Variants in TMTC1 observed in about 807,000 individuals in gnomAD.
The protein encoded by TMTC1 is protein O-mannosyl-transferase TMTC1.
In TMTC1, 73 loss-of-function variants were observed where a neutral mutation model predicts 104.8. That is an observed-to-expected ratio of 0.70 (90% confidence interval 0.58 to 0.85). The LOEUF (loss-of-function observed/expected upper bound fraction) is 0.85, where lower values mean the gene tolerates loss of function less well. Among genes scored for constraint, TMTC1 ranks in the 40% least tolerant of loss-of-function variants. The pLI is 0.00. For missense variants in TMTC1, 1,035 were observed against 1,096.1 expected (o/e 0.94, Z 0.79); for synonymous variants, 434 against 428.7 (o/e 1.01, Z -0.15).
In TMTC1 at chr12:29,524,469, C is replaced by A. The variant is rs114222384; in HGVS notation, c.1786-3749G>T. ...AATCTAGAGTAATTTTATTATCCAG[C>A]ACAACCTTAGCAAGAGAATTTAAAG... On this transcript the variant is annotated intron_variant, in intron 11 of 17. Coordinates refer to ENST00000539277, the MANE Select transcript of TMTC1 (RefSeq NM_001193451.2). Among the ~76,000 whole-genome samples the A allele has an allele frequency of 8.8e-3, 1,345 of 152,268 alleles. 26 individuals carry two copies. Among genetic ancestry groups the A allele is most frequent in the African/African-American group, 0.031 (1,277 of 41,556 alleles).
At chr12:29,605,139 A>ATT (rs1473089906) in intron 6 of TMTC1, among the ~76,000 whole-genome samples, 3 of 152,054 alleles carry the variant, frequency 2.0e-5, no homozygotes, top group Non-Finnish European at 4.4e-5. Context: ...GAGAATATGT[A>ATT]TTTTTTAAGT....
chr12:29,673,460 A>C (rs1182010659), intron 5 of TMTC1, among the ~76,000 whole-genome samples: 1 of 152,152 alleles, frequency 6.6e-6, no homozygotes, highest in Non-Finnish European at 1.5e-5. Context: ...CATGCTTCTT[A>C]TGTTCATATA....
intron 5 of TMTC1, among the ~76,000 whole-genome samples, chr12:29,718,906 C>T (rs1942155831): frequency 7.6e-6 from 1 of 131,332 alleles, no homozygotes; most frequent in African/African-American, 2.9e-5. Context: ...GCACTCCAGC[C>T]TGGGTGACAG....
At chr12:29,647,739 T>G (rs12817233) in intron 5 of TMTC1, among the ~76,000 whole-genome samples, 18,089 of 152,270 alleles carry the variant, frequency 0.12, 1,078 homozygotes, top group African/African-American at 0.14. Flanking sequence ...GCAAATCTAT[T>G]CTAGTTGTTT....
intron 6 of TMTC1, among the ~76,000 whole-genome samples, chr12:29,622,626 C>T (rs1157741149): frequency 6.6e-6 from 1 of 152,204 alleles, no homozygotes; most frequent in African/African-American, 2.4e-5. Flanking sequence ...ACTGTACATG[C>T]ATTCCCACAG....
In TMTC1 at chr12:29,504,156, G is replaced by T. The variant is rs1943651100; in HGVS notation, c.*2690C>A. The T allele has an allele frequency of 6.6e-6, 1 of 151,670 alleles. No individual in the cohort carries two copies. The highest frequency in any genetic ancestry group is 2.4e-5 in the African/African-American group (1 of 41,248). The allele number at this position is 151,670 out of a possible 1,614,324, so 9.4% of individuals were successfully genotyped here. A position where few individuals can be genotyped will look rare whatever the true frequency, so the allele number is the denominator to read the frequency against. The stretch of plus-strand genomic sequence containing the variant: ...GAGCTCGGGGTGCTTCTGTATGCAA[G>T]GCCCTGTGGGACTGCAAAAATTGCA... On this transcript the variant is annotated 3_prime_UTR_variant, in exon 18 of 18. Transcript: ENST00000539277.
intron 8 of TMTC1, among the ~76,000 whole-genome samples, chr12:29,572,627 A>G (rs967227009): frequency 3.3e-5 from 5 of 152,156 alleles, no homozygotes; most frequent in African/African-American, 1.2e-4. Flanking sequence ...GACACACACA[A>G]CCTTGCAATT....
At chr12:29,672,567 G>T (rs1940558489) in intron 5 of TMTC1, among the ~76,000 whole-genome samples, 1 of 148,994 alleles carries the variant, frequency 6.7e-6, no homozygotes, top group Non-Finnish European at 1.5e-5. Flanking sequence ...GCAGAGAGAG[G>T]AGAAAGTCCC....
chr12:29,717,269 G>A (rs899833662), intron 5 of TMTC1, among the ~76,000 whole-genome samples: 3 of 152,138 alleles, frequency 2.0e-5, no homozygotes, highest in African/African-American at 4.8e-5. Flanking sequence ...GTGAGAAGGC[G>A]TTCACGGGAT....
intron 5 of TMTC1, among the ~76,000 whole-genome samples, chr12:29,684,337 C>T (rs1258990230): frequency 2.0e-5 from 3 of 152,150 alleles, no homozygotes; most frequent in Admixed American, 6.5e-5. Flanking sequence ...CTCCTAACAG[C>T]TTGAGCAAAA....
intron 11 of TMTC1, among the ~76,000 whole-genome samples, chr12:29,527,609 C>G (rs1027811322): frequency 6.6e-6 from 1 of 152,180 alleles, no homozygotes; most frequent in South Asian, 2.1e-4. Context: ...TCTTTATAAC[C>G]AAGCTAGTTA....
chr12:29,780,539 A>G (rs1026609506), intron 1 of TMTC1, among the ~76,000 whole-genome samples: 1 of 152,222 alleles, frequency 6.6e-6, no homozygotes, highest in East Asian at 1.9e-4. Flanking sequence ...CATGATTGCA[A>G]TAAAGAAGTA....
intron 4 of TMTC1, among the ~76,000 whole-genome samples, chr12:29,754,200 C>T (rs954469691): frequency 1.4e-5 from 2 of 148,142 alleles, no homozygotes; most frequent in Non-Finnish European, 3.0e-5. Context: ...AAAAAAGACC[C>T]AGACTGAGCT....
At chr12:29,597,229 CTTTCT>C (rs371584508) in intron 7 of TMTC1, among the ~76,000 whole-genome samples, 5 of 134,958 alleles carry the variant, frequency 3.7e-5, no homozygotes, top group African/African-American at 1.3e-4. Context: ...CTTTTTCTTT[CTTTCT>C]TTTCTTTCTT....
upstream of TMTC1, chr12:29,784,642 G>T (rs963176109): frequency 6.6e-6 from 1 of 152,264 alleles, no homozygotes; most frequent in Non-Finnish European, 1.5e-5. Context: ...CTTACAAAAA[G>T]TACCAGGTTC....
At chr12:29,690,828 T>G (rs1941244565) in intron 5 of TMTC1, among the ~76,000 whole-genome samples, 1 of 152,234 alleles carries the variant, frequency 6.6e-6, no homozygotes, top group African/African-American at 2.4e-5. Flanking sequence ...AGAAGAAAAC[T>G]CTAAGGTTTG....
chr12:29,540,084 A>T (rs1180068698), intron 10 of TMTC1, among the ~76,000 whole-genome samples: 1 of 152,136 alleles, frequency 6.6e-6, no homozygotes, highest in Non-Finnish European at 1.5e-5. Context: ...TAGGAAAAAT[A>T]TGGTAGGAAA....
chr12:29,720,412 T>C (rs986113671), intron 5 of TMTC1, among the ~76,000 whole-genome samples: 4 of 152,110 alleles, frequency 2.6e-5, no homozygotes, highest in African/African-American at 9.7e-5. Context: ...CACTCTATAA[T>C]GTCTAGAAGA....
At chr12:29,514,344 A>T in intron 16 of TMTC1, 138 bp downstream of exon 16, 1 of 790,196 alleles carries the variant, frequency 1.3e-6, no homozygotes, top group Non-Finnish European at 1.8e-6. Context: ...TTCGTCAATT[A>T]GTTAAAAAAA....
Sources: allele counts gnomAD v4.1 joint callset (sites outside exome capture counted in the v4.1 genomes callset), GRCh38; gene constraint gnomAD v4.1.1; transcripts MANE v1.5; gene names NCBI Gene and HGNC (gene_info 2026-07-23, HGNC 2026-07-21).